The following EHD4 variants were observed in gnomAD, a reference collection of about 807,000 sequenced individuals.
EHD4 encodes the protein EH domain containing 4.
In EHD4, 37 loss-of-function variants were observed where a neutral mutation model predicts 51.0. The ratio of observed to expected loss-of-function variants is 0.73; its 90% CI spans 0.56 to 0.95. EHD4 has a LOEUF of 0.95. EHD4 is among the 40% of genes least tolerant of loss of function. The pLI is 0.00. For missense variants in EHD4, 632 were observed against 733.1 expected, an observed-to-expected ratio of 0.86 and a Z score of 1.59; for synonymous variants, 297 against 317.3, an observed-to-expected ratio of 0.94 and a Z score of 0.68.
chr15:41,921,966 G>C (rs2067628509), intron 3 of EHD4, among the ~76,000 whole-genome samples: 6 of 152,202 alleles, frequency 3.9e-5, no homozygotes, highest in African/African-American at 7.2e-5. Flanking sequence ...TACTCATGGT[G>C]GTGGCGGCTT....
rs189658374 is a variant in EHD4 at position 41,934,330 on chromosome 15, A to T, written c.511+8737T>A. Among the ~76,000 whole-genome samples the T allele has an allele frequency of 1.3e-3, 202 of 150,402 alleles. 2 individuals are homozygous for T. The highest frequency in any genetic ancestry group is 2.3e-3 in the Non-Finnish European group (158 of 67,662). ...GGAAGTTTTTTTTTTTTTTTTTCAA[A>T]TAAATAAATGGAGTTTTGCTCTGTT... On this transcript the variant is annotated intron_variant, in intron 3 of 5. Coordinates refer to ENST00000220325, the MANE Select transcript of EHD4 (RefSeq NM_139265.4).
At chr15:41,971,901 T>A (rs2067998423) in intron 1 of EHD4, among the ~76,000 whole-genome samples, 1 of 152,140 alleles carries the variant, frequency 6.6e-6, no homozygotes, top group Non-Finnish European at 1.5e-5. Flanking sequence ...CCTACGCCTC[T>A]CCCCCCATTT....
intron 3 of EHD4, among the ~76,000 whole-genome samples, chr15:41,920,365 C>T (rs1464140569): frequency 1.3e-5 from 2 of 152,216 alleles, no homozygotes; most frequent in South Asian, 2.1e-4. Flanking sequence ...CACTCTTCAG[C>T]CCAAGGTCAA....
chr15:41,909,493 T>C (rs2067534533), intron 5 of EHD4, among the ~76,000 whole-genome samples: 1 of 152,244 alleles, frequency 6.6e-6, no homozygotes, highest in Admixed American at 6.5e-5. Flanking sequence ...CATTTACCTT[T>C]GGCCATGTGT....
intron 2 of EHD4, among the ~76,000 whole-genome samples, chr15:41,945,915 T>C (rs1033402007): frequency 6.6e-6 from 1 of 152,230 alleles, no homozygotes; most frequent in African/African-American, 2.4e-5. Flanking sequence ...GCCGTGGGAC[T>C]GGGCAAGGTA....
intron 3 of EHD4, chr15:41,928,469 C>G (rs1434046251): frequency 6.6e-6 from 1 of 152,312 alleles, no homozygotes; most frequent in African/African-American, 2.4e-5. Context: ...TCACCCGCTG[C>G]GCTGCACCAT....
intron 1 of EHD4, among the ~76,000 whole-genome samples, chr15:41,968,817 T>G (rs1365754500): frequency 6.6e-6 from 1 of 152,238 alleles, no homozygotes; most frequent in African/African-American, 2.4e-5. Flanking sequence ...CCAGAAAATT[T>G]ATTCTTTTAC....
intron 4 of EHD4, among the ~76,000 whole-genome samples, chr15:41,916,666 G>A (rs534627730): frequency 2.0e-5 from 3 of 152,336 alleles, no homozygotes; most frequent in South Asian, 2.1e-4. Flanking sequence ...TGCAGGTGGC[G>A]TGAGGTCAAT....
rs1212694567 is a variant in EHD4 at position 41,972,448 on chromosome 15, C to G, written c.47G>C (p.Gly16Ala). 5.1e-6 allele frequency: 8 copies of G among 1,574,374 alleles called. No individual in the cohort carries two copies. The highest frequency in any genetic ancestry group is 1.4e-5 in the African/African-American group (1 of 71,876). Reference sequence around the variant, plus strand: ...CACCGTCTGCACCGCGTCCGCGCCGCCAGCGCGTTCGCGCCCGCCCGCCTG... The same window carrying G: ...CACCGTCTGCACCGCGTCCGCGCCGGCAGCGCGTTCGCGCCCGCCCGCCTG... ...GRQAGGRERA[G>A]GADAVQTVTG... Residue 16 changes from glycine (G) to alanine (A), a missense_variant, in exon 1 of 6, where the codon GGC becomes GCC. Coordinates refer to ENST00000220325, the MANE Select transcript of EHD4 (RefSeq NM_139265.4).
chr15:41,971,817 T>C (rs1413738087), intron 1 of EHD4, among the ~76,000 whole-genome samples: 1 of 152,238 alleles, frequency 6.6e-6, no homozygotes, highest in Non-Finnish European at 1.5e-5. Flanking sequence ...CTGCCATTCA[T>C]TTGTTCAAGA....
At chr15:41,963,266 G>A (rs540370030) in intron 1 of EHD4, among the ~76,000 whole-genome samples, 128 of 143,396 alleles carry the variant, frequency 8.9e-4, no homozygotes, top group African/African-American at 3.1e-3. Flanking sequence ...CCCCCCCTCG[G>A]AGAAACACCC....
At chr15:41,954,569 A>G (rs1312883382) in intron 1 of EHD4, among the ~76,000 whole-genome samples, 1 of 152,218 alleles carries the variant, frequency 6.6e-6, no homozygotes, top group Non-Finnish European at 1.5e-5. Flanking sequence ...CAATTTTTCC[A>G]TCTTTAAAAG....
At chr15:41,942,676 T>A (rs28479572) in intron 3 of EHD4, 68,693 of 194,174 alleles carry the variant, frequency 0.35, 12,717 homozygotes, top group African/African-American at 0.48. Flanking sequence ...TCTGAATGCT[T>A]CATAATCTCT....
At chr15:41,920,475 G>A (rs2067617546) in intron 3 of EHD4, among the ~76,000 whole-genome samples, 1 of 152,232 alleles carries the variant, frequency 6.6e-6, no homozygotes, top group African/African-American at 2.4e-5. Flanking sequence ...CTGACTAGTT[G>A]CAGAAGCAGA....
Position 41,919,323 on chromosome 15 carries a change from G to A in EHD4, c.811C>T (p.Arg271Cys), listed in dbSNP as rs1157141615. ...WAQPLQNTDN[R>C]RLFEAEAQDL... is the part of the protein sequence containing the mutation. ...TGGGCCTCAGCCTCGAAGAGCCGGC[G>A]GTTGTCCGTGTTCTGCAGGGGCTGC... The change falls in exon 4 of 6, where the codon CGC becomes TGC. Residue 271 changes from arginine to cysteine, a missense_variant. By Grantham distance (180) the Arg-to-Cys change is radical. Coordinates refer to ENST00000220325, the MANE Select transcript of EHD4 (RefSeq NM_139265.4). 8 of 1,614,226 alleles carry A rather than the reference G, an allele frequency of 5.0e-6. No homozygotes were observed. The highest frequency in any genetic ancestry group is 4.5e-5 in the East Asian group (2 of 44,888).
intron 5 of EHD4, among the ~76,000 whole-genome samples, chr15:41,909,223 G>A (rs9920696): frequency 0.34 from 52,288 of 152,176 alleles, 9,284 homozygotes; most frequent in Middle Eastern, 0.52. Flanking sequence ...CTGTGCCCAC[G>A]CAGTCCAGCA....
chr15:41,952,726 A>G (rs1276946075), intron 2 of EHD4, among the ~76,000 whole-genome samples: 1 of 152,104 alleles, frequency 6.6e-6, no homozygotes, highest in African/African-American at 2.4e-5. Flanking sequence ...GTGGTGGCTC[A>G]CATCTGTAAT....
At chr15:41,925,620 C>G (rs188515207) in intron 3 of EHD4, among the ~76,000 whole-genome samples, 5 of 152,200 alleles carry the variant, frequency 3.3e-5, no homozygotes, top group African/African-American at 4.8e-5. Context: ...TCCAGTGAAA[C>G]TTGTATTAGT....
intron 5 of EHD4, among the ~76,000 whole-genome samples, chr15:41,906,979 GC>G (rs2067516809): frequency 6.6e-6 from 1 of 152,220 alleles, no homozygotes; most frequent in East Asian, 1.9e-4. Context: ...CTGAGATCAT[GC>G]TTTCCTTGTT....
Sources: gnomAD v4.1 joint callset for allele counts (sites outside exome capture counted in the v4.1 genomes callset) on GRCh38, gnomAD v4.1.1 for gene constraint, MANE v1.5 for transcripts, NCBI Gene and HGNC (gene_info 2026-07-23, HGNC 2026-07-21) for gene names.